Variants in UBAP2 observed in about 807,000 individuals in gnomAD.
The protein encoded by UBAP2 is ubiquitin associated protein 2, also known as ubiquitin-associated protein 2.
Under a neutral mutation model 139.6 loss-of-function variants are expected in UBAP2, and 75 were observed. The ratio of observed to expected loss-of-function variants is 0.54; its 90% CI spans 0.45 to 0.65. The LOEUF (loss-of-function observed/expected upper bound fraction) is 0.65, where lower values mean the gene tolerates loss of function less well. Among genes scored for constraint, UBAP2 ranks in the 30% least tolerant of loss-of-function variants. The pLI is 0.00. For missense variants in UBAP2, 1,368 were observed against 1,369.6 expected, an observed-to-expected ratio of 1.00 and a Z score of 0.02; for synonymous variants, 526 against 526.2, an observed-to-expected ratio of 1.00 and a Z score of 0.01.
intron 2 of UBAP2, among the ~76,000 whole-genome samples, chr9:34,007,486 CA>C (rs34275156): frequency 0.081 from 10,405 of 128,282 alleles, 458 homozygotes; most frequent in Non-Finnish European, 0.11. Flanking sequence ...GACCCTGTCT[CA>C]AAAAAAAAAA....
chr9:34,027,827 A>T (rs1825542120), intron 1 of UBAP2, among the ~76,000 whole-genome samples: 1 of 150,038 alleles, frequency 6.7e-6, no homozygotes, highest in Admixed American at 6.8e-5. Flanking sequence ...GCACCACTGC[A>T]CTCCAGGCTG....
chr9:34,025,631 GGAAA>G (rs1192368026), intron 1 of UBAP2, among the ~76,000 whole-genome samples: 1 of 152,134 alleles, frequency 6.6e-6, no homozygotes, highest in East Asian at 1.9e-4. Flanking sequence ...AATGTAATGA[GGAAA>G]GAAAGTCTCC....
intron 1 of UBAP2, among the ~76,000 whole-genome samples, chr9:34,045,675 A>G (rs1827518295): frequency 6.6e-6 from 1 of 152,160 alleles, no homozygotes; most frequent in Non-Finnish European, 1.5e-5. Context: ...CCCAGTCACA[A>G]AAGAAAATTT....
At chr9:33,926,293 G>T (rs185750672) in intron 22 of UBAP2, among the ~76,000 whole-genome samples, 2 of 152,240 alleles carry the variant, frequency 1.3e-5, no homozygotes, top group African/African-American at 4.8e-5. Flanking sequence ...GTGTCATATG[G>T]TTTTTCTTTT....
intron 9 of UBAP2, among the ~76,000 whole-genome samples, chr9:33,963,014 A>C (rs1827187646): frequency 6.6e-6 from 1 of 151,950 alleles, no homozygotes; most frequent in Admixed American, 6.6e-5. Flanking sequence ...AATAAAAATA[A>C]AAAAGACTGG....
chr9:34,017,077 T>C lies in UBAP2; in HGVS notation c.72A>G (p.Ser24=). ...GTACCACTTGTTTCTGTGGTTGCGT[T>C]GATTGTGCTGCTGAAATCTGTGGTT... is the stretch of plus-strand genomic sequence containing the variant. The part of the protein sequence containing the change: ...REKPQISAAQ[S]TQPQKQVVQA... The change falls in exon 2 of 29, where the codon TCA becomes TCG. Residue 24 remains serine (S), a synonymous_variant. Transcript: ENST00000379238. 6.2e-7 allele frequency: 1 copy of C among 1,609,840 alleles called. No homozygotes were observed. Among genetic ancestry groups the C allele is most frequent in the Non-Finnish European group, 8.5e-7 (1 of 1,178,958 alleles).
chr9:33,965,927 T>C, intron 8 of UBAP2, among the ~76,000 whole-genome samples: 1 of 151,980 alleles, frequency 6.6e-6, no homozygotes, highest in East Asian at 1.9e-4. Context: ...CGGGTGCCTG[T>C]AGTCCCAGGC....
intron 2 of UBAP2, among the ~76,000 whole-genome samples, chr9:34,004,965 T>TC (rs1409608468): frequency 6.7e-6 from 1 of 149,288 alleles, no homozygotes; most frequent in African/African-American, 2.5e-5. Flanking sequence ...TTTTCTTAAA[T>TC]CCCATTGAAA....
intron 4 of UBAP2, among the ~76,000 whole-genome samples, chr9:33,991,115 A>T (rs1479149410): frequency 6.6e-6 from 1 of 152,030 alleles, no homozygotes; most frequent in East Asian, 1.9e-4. Context: ...TGAAACTCTT[A>T]TCTCTACTAA....
chr9:33,954,802 A>T (rs978307812), intron 11 of UBAP2, among the ~76,000 whole-genome samples: 13 of 152,204 alleles, frequency 8.5e-5, no homozygotes, highest in African/African-American at 3.1e-4. Context: ...CATAATCATT[A>T]ATCATTTTTA....
At chr9:33,992,652 G>C (rs1018425037) in intron 4 of UBAP2, among the ~76,000 whole-genome samples, 2 of 58,840 alleles carry the variant, frequency 3.4e-5, no homozygotes, top group African/African-American at 1.2e-4. Context: ...ACAACTTATC[G>C]GGCGGAGGGG....
chr9:34,009,949 A>C (rs931526200), intron 2 of UBAP2, among the ~76,000 whole-genome samples: 1 of 151,100 alleles, frequency 6.6e-6, no homozygotes, highest in African/African-American at 2.4e-5. Context: ...CTGGGATTAC[A>C]GGCATGTGCC....
rs986972991 is a variant in UBAP2 at position 33,978,846 on chromosome 9, G to A, written c.521-5609C>T. 1.1e-4 allele frequency among the ~76,000 whole-genome samples: 16 copies of A among 152,188 alleles called. 1 individual carries two copies. The highest frequency in any genetic ancestry group is 3.9e-4 in the African/African-American group (16 of 41,446). On this transcript the variant is annotated intron_variant, in intron 6 of 28. Transcript: ENST00000379238. The stretch of plus-strand genomic sequence containing the variant: ...TGAGTCACTAAATACAAAACAGTAA[G>A]GTAAAGCAGTGAGAAAGGTTAGGGA...
intron 1 of UBAP2, among the ~76,000 whole-genome samples, chr9:34,047,980 AAT>A (rs1161265835): frequency 6.6e-6 from 1 of 152,216 alleles, no homozygotes; most frequent in African/African-American, 2.4e-5. Flanking sequence ...TCAAACAGGA[AAT>A]AACAGTAATA....
intron 6 of UBAP2, among the ~76,000 whole-genome samples, chr9:33,976,501 A>G (rs555972299): frequency 9.1e-4 from 139 of 152,302 alleles, no homozygotes; most frequent in African/African-American, 3.3e-3. Context: ...AGAAACAGAA[A>G]GGCGATTACT....
chr9:33,949,074 G>A (rs1314337685), intron 12 of UBAP2: 3 of 155,806 alleles, frequency 1.9e-5, no homozygotes, highest in Non-Finnish European at 4.3e-5. Flanking sequence ...GACTGAGGCA[G>A]GAGAATGGCA....
At chr9:33,960,962 GCGGGGAAAAAA>G (rs749890920) in intron 9 of UBAP2, 84 bp from the exon 10 acceptor site, 27 of 1,389,170 alleles carry the variant, frequency 1.9e-5, no homozygotes, top group Non-Finnish European at 2.8e-5. Flanking sequence ...TGTGTACTAT[GCGGGGAAAAAA>G]GATACATACG....
At chr9:34,002,502 T>C (rs958738725) in intron 2 of UBAP2, among the ~76,000 whole-genome samples, 3 of 151,104 alleles carry the variant, frequency 2.0e-5, no homozygotes, top group Middle Eastern at 3.5e-3. Context: ...CTCAGCCTCC[T>C]GAATAGCTAG....
intron 19 of UBAP2, 61 bp downstream of exon 19, chr9:33,932,501 G>A: frequency 1.3e-6 from 2 of 1,596,080 alleles, no homozygotes; most frequent in Non-Finnish European, 8.6e-7. Context: ...CCAGCTGCAT[G>A]TGACTAAGCT....
Sources: gnomAD v4.1 joint callset for allele counts (sites outside exome capture counted in the v4.1 genomes callset) on GRCh38, gnomAD v4.1.1 for gene constraint, MANE v1.5 for transcripts, NCBI Gene and HGNC (gene_info 2026-07-23, HGNC 2026-07-21) for gene names.